Variants in GHRL observed in about 807,000 individuals in gnomAD.
GHRL encodes the protein appetite-regulating hormone.
A neutral mutation model predicts 16.9 loss-of-function variants in GHRL; 24 were observed. The observed-to-expected ratio is 1.42, with a 90% confidence interval of 1.03 to 2.00. GHRL has a LOEUF of 2.00. GHRL is among the 30% of genes most tolerant of loss of function. GHRL has a pLI of 0.00. For synonymous variants in GHRL, 63 were observed against 58.2 expected, an observed-to-expected ratio of 1.08 and a Z score of -0.37; for missense variants, 193 against 142.1, an observed-to-expected ratio of 1.36 and a Z score of -1.82.
At chr3:10,288,758 C>T (rs1699476137) in intron 4 of GHRL, among the ~76,000 whole-genome samples, 1 of 152,198 alleles carries the variant, frequency 6.6e-6, no homozygotes, top group Admixed American at 6.5e-5. Flanking sequence ...AAGGCGGGCA[C>T]ATTTCACTCC....
At position 10,286,773 on chromosome 3, in the gene GHRL, C is replaced by T. The variant is rs376856625; in HGVS notation, c.265G>A (p.Val89Ile). ...PFDVGIKLSG[V>I]QYQQHSQALG... ...GCCTGGCTGTGCTGCTGGTACTGAACCCCTGACAGCTTGATTCCAACATCA... is the reference window on the plus strand; with the variant it reads ...GCCTGGCTGTGCTGCTGGTACTGAATCCCTGACAGCTTGATTCCAACATCA... The change falls in exon 5 of 6, where the codon GTT (valine) becomes ATT (isoleucine). Residue 89 changes from valine (V) to isoleucine (I), a missense_variant. Transcript: ENST00000335542. The T allele has an allele frequency of 2.9e-5, 47 of 1,613,162 alleles. No homozygotes were observed. In the South Asian group the frequency reaches 3.2e-4, roughly 11 times the overall value.
At chr3:10,289,995 C>T in intron 3 of GHRL, 78 bp downstream of exon 3, 3 of 1,559,168 alleles carry the variant, frequency 1.9e-6, no homozygotes, top group Non-Finnish European at 2.6e-6. Context: ...AGAGATGGCG[C>T]TGCTGCTCCA....
In GHRL at chr3:10,291,291, G is replaced by C; in HGVS notation, c.-605C>G. 1.0e-6 allele frequency: 1 copy of C among 985,478 alleles called. No homozygotes were observed. Among genetic ancestry groups the C allele is most frequent in the Non-Finnish European group, 1.2e-6 (1 of 829,936 alleles). The allele number at this position is 985,478 out of a possible 1,614,324, so 61.0% of individuals were successfully genotyped here. A position where few individuals can be genotyped will look rare whatever the true frequency, so the allele number is the denominator to read the frequency against. ...TCATCCTCTCCAGAGAGTGGGTGTG[G>C]GGATAACTTCAGCCAGTGGCTATGC... On this transcript the variant is annotated 5_prime_UTR_variant, in exon 2 of 6. Coordinates refer to ENST00000335542, the MANE Select transcript of GHRL (RefSeq NM_016362.5).
intron 2 of GHRL, 197 bp from the exon 3 acceptor site, chr3:10,290,406 C>T (rs962764802): frequency 1.4e-5 from 8 of 560,160 alleles, no homozygotes; most frequent in South Asian, 6.6e-5. Context: ...CCGTTCAGGG[C>T]AGAACACCTG....
chr3:10,289,694 T>A (rs1236992366), intron 4 of GHRL, 68 bp downstream of exon 4: 4 of 960,192 alleles, frequency 4.2e-6, no homozygotes, highest in Admixed American at 3.4e-5. Flanking sequence ...CACCTCTCCC[T>A]GCCCTCCCTC....
chr3:10,286,684 C>T lies in GHRL; in HGVS notation c.334+20G>A, dbSNP rs760810025. On this transcript the variant is annotated intron_variant, in intron 5 of 5. Coordinates refer to ENST00000335542, the MANE Select transcript of GHRL (RefSeq NM_016362.5). ...GGGGCTGCAAGGAAACCGAGCAAAC[C>T]CAGTCCAGGCAGGACTCACCTTTGG... The T allele has an allele frequency of 1.5e-6, 2 of 1,367,782 alleles. No individual in the cohort carries two copies. Among genetic ancestry groups the T allele is most frequent in the African/African-American group, 1.4e-5 (1 of 70,402 alleles). The allele number at this position is 1,367,782 out of a possible 1,614,324, so 84.7% of individuals were successfully genotyped here.
In GHRL at chr3:10,285,787, A is replaced by G; in HGVS notation, c.*88T>C. The G allele has an allele frequency of 2.0e-6, 2 of 1,001,780 alleles. No homozygotes were observed. Among genetic ancestry groups the G allele is most frequent in the Non-Finnish European group, 3.2e-6 (2 of 626,016 alleles). The allele number at this position is 1,001,780 out of a possible 1,614,324, so 62.1% of individuals were successfully genotyped here. A position where few individuals can be genotyped will look rare whatever the true frequency, so the allele number is the denominator to read the frequency against. On this transcript the variant is annotated 3_prime_UTR_variant, in exon 6 of 6. Coordinates refer to ENST00000335542, the MANE Select transcript of GHRL (RefSeq NM_016362.5). ...ATTTATTCGCCTCCTGAGCTTGTACAACAGTCGTGGGAGTTGCTGCAGAAG... is the reference window on the plus strand; with the variant it reads ...ATTTATTCGCCTCCTGAGCTTGTACGACAGTCGTGGGAGTTGCTGCAGAAG...
intron 1 of GHRL, chr3:10,292,495 G>A (rs1047183578): frequency 3.7e-5 from 10 of 269,812 alleles, no homozygotes; most frequent in African/African-American, 1.6e-4. Flanking sequence ...AGCACAGGCC[G>A]GGTTGGACTG....
intron 4 of GHRL, among the ~76,000 whole-genome samples, 174 bp downstream of exon 4, chr3:10,289,588 T>G (rs1454177211): frequency 2.0e-5 from 3 of 152,188 alleles, no homozygotes; most frequent in Admixed American, 1.3e-4. Flanking sequence ...TTTCTCTTAA[T>G]GGGTAAAGAC....
rs1172748643 is a variant in GHRL at position 10,285,824 on chromosome 3, C to G, written c.*51G>C. 14 of 1,539,036 alleles carry G rather than the reference C, an allele frequency of 9.1e-6. No homozygotes were observed. The highest frequency in any genetic ancestry group is 1.2e-5 in the Non-Finnish European group (13 of 1,112,108). On this transcript the variant is annotated 3_prime_UTR_variant, in exon 6 of 6. Transcript: ENST00000335542. Reference sequence around the variant, plus strand: ...AGTTGCTGCAGAAGCAAGCGAAAAGCCAGATGAGCGCTTCTAAACTTAGAG... The same window carrying G: ...AGTTGCTGCAGAAGCAAGCGAAAAGGCAGATGAGCGCTTCTAAACTTAGAG...
chr3:10,287,324 T>C (rs1479546979), intron 4 of GHRL: 1 of 152,552 alleles, frequency 6.6e-6, no homozygotes, highest in Non-Finnish European at 1.5e-5. Context: ...CTTTCTTTGA[T>C]GCCTGGAAAA....
Position 10,290,913 on chromosome 3 carries a change from C to T in GHRL, c.-227G>A, listed in dbSNP as rs1408830493. On this transcript the variant is annotated 5_prime_UTR_variant, in exon 2 of 6. Transcript: ENST00000335542. ...GGAGGTCAGATGCCCTGCGGAATTG[C>T]TGGGTTGGCGAGGGAAGAAGCATGT... 5.1e-6 allele frequency: 5 copies of T among 985,514 alleles called. No individual in the cohort carries two copies. The highest frequency in any genetic ancestry group is 6.2e-5 in the Admixed American group (1 of 16,258). The allele number at this position is 985,514 out of a possible 1,614,324, so 61.0% of individuals were successfully genotyped here.
At chr3:10,286,104 C>T (rs770796569) in intron 5 of GHRL, among the ~76,000 whole-genome samples, 5 of 152,198 alleles carry the variant, frequency 3.3e-5, no homozygotes, top group Admixed American at 1.3e-4. Context: ...GTTTGCACAG[C>T]GGGGTGAATG....
chr3:10,286,618 G>A (rs1699109675), intron 5 of GHRL, 86 bp downstream of exon 5: 1 of 713,026 alleles, frequency 1.4e-6, no homozygotes, highest in Non-Finnish European at 2.5e-6. Flanking sequence ...GAGAGGCAGA[G>A]GTTGGGGAAA....
chr3:10,289,569 C>G (rs995644947), intron 4 of GHRL, among the ~76,000 whole-genome samples, 193 bp downstream of exon 4: 1 of 152,176 alleles, frequency 6.6e-6, no homozygotes, highest in African/African-American at 2.4e-5. Flanking sequence ...GTTACTTCTT[C>G]TAGATATTTT....
Position 10,290,165 on chromosome 3 carries a change from T to G in GHRL, c.16A>C (p.Thr6Pro). Residue 6 changes from threonine to proline, a missense_variant, in exon 3 of 6, where the codon ACC becomes CCC. Thr to Pro is a conservative substitution (Grantham distance 38). Transcript: ENST00000335542. The stretch of plus-strand genomic sequence containing the variant: ...CCGAGGAGCAGGAGGCTGCAGACGG[T>G]CCCTGGGGAGGGCATGGCCTCAGCT... MPSPG[T>P]VCSLLLLGML... 1 of 1,612,046 alleles carries G rather than the reference T, an allele frequency of 6.2e-7. No homozygotes were observed. Among genetic ancestry groups the G allele is most frequent in the Non-Finnish European group, 8.5e-7 (1 of 1,179,668 alleles).
intron 5 of GHRL, among the ~76,000 whole-genome samples, 191 bp from the exon 6 acceptor site, chr3:10,286,085 G>C (rs562343232): frequency 1.3e-5 from 2 of 152,318 alleles, no homozygotes; most frequent in South Asian, 4.1e-4. Context: ...TCTGAGTCTT[G>C]GTTTCCTCGT....
In GHRL at chr3:10,290,949, T is replaced by C. The variant is rs1292259473; in HGVS notation, c.-263A>G. 2.0e-6 allele frequency: 2 copies of C among 985,396 alleles called. No homozygotes were observed. The highest frequency in any genetic ancestry group is 3.5e-5 in the African/African-American group (2 of 57,244). The allele number at this position is 985,396 out of a possible 1,614,324, so 61.0% of individuals were successfully genotyped here. ...AGGGAAGAAGCATGTGCTCCAGCTGTCCCTGGAACACGGTGGCGGGGTGCC... is the reference window on the plus strand; with the variant it reads ...AGGGAAGAAGCATGTGCTCCAGCTGCCCCTGGAACACGGTGGCGGGGTGCC... On this transcript the variant is annotated 5_prime_UTR_variant, in exon 2 of 6. Transcript: ENST00000335542.
rs1699922804 is a variant in GHRL, at chr3:10,291,013, G to C, written c.-327C>G. ...GCCCTGGTGGAGGAGGGAGGGAGGA[G>C]AGTGGCTCTGGGGTCTGGGTGCAGC... On this transcript the variant is annotated 5_prime_UTR_variant, in exon 2 of 6. Transcript: ENST00000335542. The C allele has an allele frequency of 2.0e-6, 2 of 985,582 alleles. No individual in the cohort carries two copies. Among genetic ancestry groups the C allele is most frequent in the Non-Finnish European group, 2.4e-6 (2 of 829,950 alleles). 61.1% of individuals were successfully genotyped at this position (985,582 alleles called of 1,614,324 possible).
Sources: gnomAD v4.1 joint callset for allele counts (sites outside exome capture counted in the v4.1 genomes callset) on GRCh38, gnomAD v4.1.1 for gene constraint, MANE v1.5 for transcripts, NCBI Gene and HGNC (gene_info 2026-07-23, HGNC 2026-07-21) for gene names.